ZBTB4: variants seen among roughly 807,000 people sequenced by gnomAD.
The protein encoded by ZBTB4 is zinc finger and BTB domain-containing protein 4.
A neutral mutation model predicts 59.8 loss-of-function variants in ZBTB4; 14 were observed. The ratio of observed to expected loss-of-function variants is 0.23; its 90% CI spans 0.15 to 0.37. ZBTB4 has a LOEUF of 0.37. ZBTB4 is among the 10% of genes least tolerant of loss of function. The probability of loss-of-function intolerance (pLI) is 1.00; values close to 1 mark genes in which losing one functional copy is unlikely to be tolerated. For synonymous variants in ZBTB4, 587 were observed against 575.2 expected, an observed-to-expected ratio of 1.02 and a Z score of -0.29; for missense variants, 1,198 against 1,380.8, an observed-to-expected ratio of 0.87 and a Z score of 2.10.
At position 7,463,681 on chromosome 17, in the gene ZBTB4, G is replaced by A. The variant is rs1206876207; in HGVS notation, c.1301C>T (p.Ala434Val). Residue 434 changes from alanine to valine, a missense_variant, in exon 4 of 4, where the codon GCC (alanine) becomes GTC (valine). Coordinates refer to ENST00000380599, the MANE Select transcript of ZBTB4 (RefSeq NM_001128833.2). Reference sequence around the variant, plus strand: ...GGTTGGAGAAAGGGGAGCCTCCGGGGCTCCCTGGCTGTAGGTCTTGTAGGG... The same window carrying A: ...GGTTGGAGAAAGGGGAGCCTCCGGGACTCCCTGGCTGTAGGTCTTGTAGGG... Reference protein sequence around the residue: ...KRPYKTYSQGAPEAPLSPTLN... With the variant: ...KRPYKTYSQGVPEAPLSPTLN... The A allele has an allele frequency of 3.1e-6, 5 of 1,613,650 alleles. No homozygotes were observed. Among genetic ancestry groups the A allele is most frequent in the African/African-American group, 2.7e-5 (2 of 74,932 alleles).
Position 7,465,568 on chromosome 17 carries a change from C to T in ZBTB4, c.1091+143G>A, listed in dbSNP as rs544689201. The T allele has an allele frequency of 3.5e-5, 48 of 1,376,188 alleles. No individual in the cohort carries two copies. In the African/African-American group the frequency reaches 6.2e-4, roughly 18 times the overall value. 85.2% of individuals were successfully genotyped at this position (1,376,188 alleles called of 1,614,324 possible). Reference sequence around the variant, plus strand: ...GCCACAAGCGATCCTCCCACCTCAGCTAACCACAGTGCTGGGATTACTGCA... The same window carrying T: ...GCCACAAGCGATCCTCCCACCTCAGTTAACCACAGTGCTGGGATTACTGCA... On this transcript the variant is annotated intron_variant, in intron 3 of 3. Transcript: ENST00000380599.
At chr17:7,477,632 T>C (rs1026833719) in intron 1 of ZBTB4, among the ~76,000 whole-genome samples, 5 of 152,310 alleles carry the variant, frequency 3.3e-5, no homozygotes, top group Admixed American at 6.5e-5. Flanking sequence ...TTCTGAGGAA[T>C]CTGCCTAGTG....
chr17:7,462,893 G>T lies in ZBTB4; in HGVS notation c.2089C>A (p.Arg697Ser), dbSNP rs373245404. The T allele has an allele frequency of 1.2e-6, 2 of 1,608,214 alleles. No individual in the cohort carries two copies. The highest frequency in any genetic ancestry group is 1.7e-5 in the Admixed American group (1 of 60,002). The stretch of plus-strand genomic sequence containing the variant: ...CTCCGTTCCAGCTTCTGCCTCCAAC[G>T]TGGTGGCCGGCGGCCTCGGGGCAGC... Reference protein sequence around the residue: ...SGLPRGRRPPRWRQKLERRSW... With the variant: ...SGLPRGRRPPSWRQKLERRSW... Residue 697 changes from arginine to serine, a missense_variant, in exon 4 of 4, where the codon CGT becomes AGT. This residue lies in a region of ZBTB4 where 550 missense variants were observed against 541.8 expected (regional missense o/e 1.02). Coordinates refer to ENST00000380599, the MANE Select transcript of ZBTB4 (RefSeq NM_001128833.2). This position sits in a 1 kb window ranked among gnomAD's most constrained non-coding sequence, Gnocchi z 7.5.
upstream of ZBTB4, chr17:7,482,123 G>T (rs1228571437): frequency 1.2e-6 from 2 of 1,614,050 alleles, no homozygotes; most frequent in African/African-American, 1.3e-5. Context: ...CCTGCTGGGT[G>T]GGGGCCTGCC....
intron 1 of ZBTB4, among the ~76,000 whole-genome samples, chr17:7,469,118 G>T (rs2070165189): frequency 6.6e-6 from 1 of 152,048 alleles, no homozygotes; most frequent in African/African-American, 2.4e-5. Flanking sequence ...TACCTCATTT[G>T]TTCCTTATCA....
In ZBTB4 at chr17:7,462,152, G is replaced by A; in HGVS notation, c.2830C>T (p.Leu944Phe). 1 of 1,613,934 alleles carries A rather than the reference G, an allele frequency of 6.2e-7. No homozygotes were observed. The highest frequency in any genetic ancestry group is 8.5e-7 in the Non-Finnish European group (1 of 1,179,920). Residue 944 changes from leucine (L) to phenylalanine (F), a missense_variant, in exon 4 of 4, where the codon CTC becomes TTC. Around this residue, in one of 9 missense-constraint regions of ZBTB4, gnomAD observed 211 missense variants for 236.1 expected, o/e 0.89. Coordinates refer to ENST00000380599, the MANE Select transcript of ZBTB4 (RefSeq NM_001128833.2). This position sits in a 1 kb window ranked among gnomAD's most constrained non-coding sequence, Gnocchi z 7.5. Reference protein sequence around the residue: ...YPYNFSNLAALPVALNMVLPD... With the variant: ...YPYNFSNLAAFPVALNMVLPD... ...AGGACCATGTTGAGAGCAACCGGGA[G>A]AGCGGCCAAGTTACTGAAGTTGTAA... is the stretch of plus-strand genomic sequence containing the variant.
At chr17:7,468,521 T>G (rs1028983836) in intron 1 of ZBTB4, among the ~76,000 whole-genome samples, 10 of 151,976 alleles carry the variant, frequency 6.6e-5, no homozygotes, top group African/African-American at 2.2e-4. Flanking sequence ...AAGGTTTGAG[T>G]TCAAAAGCCA....
chr17:7,479,111 AC>A (rs1255064787), intron 1 of ZBTB4, among the ~76,000 whole-genome samples: 1 of 116,756 alleles, frequency 8.6e-6, no homozygotes, highest in Non-Finnish European at 1.8e-5. Context: ...GCCCCACCCC[AC>A]CCCCAATCTG....
intron 1 of ZBTB4, among the ~76,000 whole-genome samples, chr17:7,472,896 G>A (rs1034048110): frequency 2.0e-5 from 3 of 151,076 alleles, no homozygotes; most frequent in Non-Finnish European, 4.4e-5. Flanking sequence ...CTTCTGCCTC[G>A]GCCTCCCAAA....
chr17:7,479,275 T>C (rs2070311921), intron 1 of ZBTB4, among the ~76,000 whole-genome samples, 181 bp downstream of exon 1: 2 of 150,844 alleles, frequency 1.3e-5, no homozygotes, highest in South Asian at 4.2e-4. Context: ...CCCAGCGTCG[T>C]GCGCGCCCGG....
chr17:7,478,266 C>T (rs1010457164), intron 1 of ZBTB4, among the ~76,000 whole-genome samples: 1 of 152,176 alleles, frequency 6.6e-6, no homozygotes, highest in Non-Finnish European at 1.5e-5. Context: ...CGCTTGGCTG[C>T]CCATGATCCC....
chr17:7,481,866 C>T, upstream of ZBTB4: 2 of 1,370,132 alleles, frequency 1.5e-6, no homozygotes. Context: ...AAGAGTTCCT[C>T]AGCAAGATAG....
upstream of ZBTB4, chr17:7,482,623 G>C: frequency 6.2e-7 from 1 of 1,612,102 alleles, no homozygotes; most frequent in East Asian, 2.2e-5. Flanking sequence ...ATCGTTCTCT[G>C]CACTTTCCCT....
chr17:7,481,601 C>A, upstream of ZBTB4: 1 of 1,038,406 alleles, frequency 9.6e-7, no homozygotes. Context: ...TAAAACTTAG[C>A]TGTCTCAGAG....
At chr17:7,480,652 G>C (rs567318414), upstream of ZBTB4, among the ~76,000 whole-genome samples, 6 of 152,024 alleles carry the variant, frequency 3.9e-5, no homozygotes, top group Non-Finnish European at 7.4e-5. Context: ...CCTGGGAGGC[G>C]GAGCTTGCAG....
Position 7,465,714 on chromosome 17 carries a change from C to A in ZBTB4, c.1088G>T (p.Arg363Leu). 6.3e-7 allele frequency: 1 copy of A among 1,596,262 alleles called. No homozygotes were observed. Among genetic ancestry groups the A allele is most frequent in the South Asian group, 1.1e-5 (1 of 88,706 alleles). The change falls in exon 3 of 4, where the codon CGC becomes CTC. Residue 363 changes from arginine (R) to leucine (L), a missense_variant. Physicochemically the swap from Arg to Leu is moderately radical, Grantham distance 102. Coordinates refer to ENST00000380599, the MANE Select transcript of ZBTB4 (RefSeq NM_001128833.2). ...CCCGCCAGCCTGGATCACTCACCTG[C>A]GCTCCCCCGTGTGCCACACTTCATG... ...TKHEVWHTGE[R>L]RYQCIFCWET...
chr17:7,465,194 C>G (rs35490807), intron 3 of ZBTB4, among the ~76,000 whole-genome samples: 3 of 146,914 alleles, frequency 2.0e-5, no homozygotes, highest in Non-Finnish European at 4.5e-5. Flanking sequence ...TGTGGTGGCT[C>G]ACGCCTGTAA....
At chr17:7,481,262 G>A (rs112636545), upstream of ZBTB4, 2 of 349,858 alleles carry the variant, frequency 5.7e-6, no homozygotes, top group African/African-American at 2.1e-5. Context: ...TCTGGGAGGT[G>A]GAGGTTGCAG....
In ZBTB4 at chr17:7,462,058, TGAG is replaced by T. The variant is rs771348516; in HGVS notation, c.2921_2923del (p.Pro974del). On this transcript the variant is annotated inframe_deletion, in exon 4 of 4. Transcript: ENST00000380599. The surrounding 1 kb of genome is among the most constrained non-coding windows in gnomAD (Gnocchi z 7.5). ...TGTTGGTGGGGCAGGGGGTGCTGCT[TGAG>T]GATTCACTGCGTAGCCAAAGACCCC... 1.9e-6 allele frequency: 3 copies of T among 1,599,194 alleles called. No individual in the cohort carries two copies. The South Asian group carries it at 3.4e-5, about 18-fold the overall frequency.
Sources: allele counts gnomAD v4.1 joint callset (sites outside exome capture counted in the v4.1 genomes callset), GRCh38; gene constraint gnomAD v4.1.1; regional missense constraint gnomAD v4.1.1; non-coding constraint Gnocchi (gnomAD v3.1); transcripts MANE v1.5; gene names NCBI Gene and HGNC (gene_info 2026-07-23, HGNC 2026-07-21).